Variants in MYO16 observed in about 807,000 individuals in gnomAD.
MYO16 encodes myosin XVI.
A neutral mutation model predicts 205.3 loss-of-function variants in MYO16; 94 were observed. That is an observed-to-expected ratio of 0.46 (90% CI 0.39 to 0.54). The LOEUF (loss-of-function observed/expected upper bound fraction) is 0.54. Ranked by LOEUF, MYO16 falls within the 20% of genes least tolerant of loss-of-function variation. The pLI is 0.00. For missense variants in MYO16, 2,315 were observed against 2,387.5 expected (o/e 0.97, Z 0.63); for synonymous variants, 988 against 954.0 (o/e 1.04, Z -0.66).
chr13:108,831,443 A>G (rs1026661940), intron 9 of MYO16, among the ~76,000 whole-genome samples: 2 of 152,268 alleles, frequency 1.3e-5, no homozygotes, highest in Admixed American at 6.5e-5. Flanking sequence ...CTTTCCTTCT[A>G]TTGCCTTCCT....
At chr13:109,077,777 C>T (rs1274456420) in intron 27 of MYO16, among the ~76,000 whole-genome samples, 1 of 152,092 alleles carries the variant, frequency 6.6e-6, no homozygotes, top group Non-Finnish European at 1.5e-5. Flanking sequence ...TTCCTTCATG[C>T]TTCTTGTGCT....
intron 27 of MYO16, chr13:109,065,463 A>G (rs1887715986): frequency 4.9e-6 from 2 of 409,042 alleles, no homozygotes; most frequent in South Asian, 3.6e-5. Context: ...GTTGAATAAT[A>G]TAAAACCATT....
At chr13:109,021,501 A>G (rs1176871448) in intron 23 of MYO16, among the ~76,000 whole-genome samples, 1 of 152,154 alleles carries the variant, frequency 6.6e-6, no homozygotes, top group Non-Finnish European at 1.5e-5. Context: ...TGTGGTTTTC[A>G]CTGCATCTAC....
chr13:109,178,997 C>A (rs938011224), intron 33 of MYO16, among the ~76,000 whole-genome samples: 2 of 152,208 alleles, frequency 1.3e-5, no homozygotes, highest in African/African-American at 4.8e-5. Flanking sequence ...TGTTGTGAAT[C>A]GGCAGCTCTC....
intron 4 of MYO16, among the ~76,000 whole-genome samples, chr13:108,773,616 A>G (rs1886036353): frequency 6.6e-6 from 1 of 151,974 alleles, no homozygotes; most frequent in South Asian, 2.1e-4. Flanking sequence ...GGCCCATCCT[A>G]CTCCAGTGTG....
intron 1 of MYO16, among the ~76,000 whole-genome samples, chr13:108,621,547 T>G (rs987277927): frequency 2.6e-5 from 4 of 152,206 alleles, no homozygotes; most frequent in Non-Finnish European, 4.4e-5. Flanking sequence ...ATCATCCTTT[T>G]GTCCATTGTA....
chr13:109,120,325 G>A (rs1030567058), intron 28 of MYO16, 45 bp from the exon 29 acceptor site: 7 of 1,281,690 alleles, frequency 5.5e-6, no homozygotes, highest in Non-Finnish European at 7.7e-6. Flanking sequence ...TCATCATTTT[G>A]GTATCTTCAT....
In MYO16 at chr13:108,606,432, C is replaced by A. The variant is rs557017471; in HGVS notation, c.-39+10193C>A. 2.0e-5 allele frequency among the ~76,000 whole-genome samples: 3 copies of A among 152,188 alleles called. No homozygotes were observed. In the East Asian group the frequency reaches 5.8e-4, roughly 29 times the overall value. ...GCACTAGGTGTCCCAGCTGCTTCAG[C>A]TCCAGCCATGGGTAAAGACCAAGGT... On this transcript the variant is annotated intron_variant, in intron 1 of 24. Coordinates refer to the MYO16 transcript ENST00000251041.
At chr13:108,553,079 C>T in the MYO16 span, among the ~76,000 whole-genome samples, 335 of 127,256 alleles carry the variant, frequency 2.6e-3, 1 homozygote, top group African/African-American at 9.1e-3. Context: ...AGTGCAGTGG[C>T]CCAATGTCAA....
At chr13:109,087,461 C>A (rs957515593) in intron 27 of MYO16, among the ~76,000 whole-genome samples, 1 of 152,212 alleles carries the variant, frequency 6.6e-6, no homozygotes, top group African/African-American at 2.4e-5. Context: ...GCCTGGCCAA[C>A]ATGATGAAAC....
At chr13:108,793,792 A>G (rs369423967) in intron 6 of MYO16, 152 bp downstream of exon 6, 61 of 880,394 alleles carry the variant, frequency 6.9e-5, no homozygotes, top group East Asian at 5.1e-4. Context: ...CACCTAAGTA[A>G]GCAAAGAAGA....
intron 1 of MYO16, among the ~76,000 whole-genome samples, chr13:108,652,025 C>T (rs933652846): frequency 2.6e-5 from 4 of 151,520 alleles, no homozygotes. Context: ...CACATTGTTC[C>T]TTTGTTTCAT....
intron 5 of MYO16, among the ~76,000 whole-genome samples, chr13:108,787,248 A>G (rs61494700): frequency 0.019 from 2,858 of 152,268 alleles, 81 homozygotes; most frequent in African/African-American, 0.065. Context: ...AGGGATGTAT[A>G]CTTACAAACA....
chr13:109,141,395 C>G lies in MYO16; in HGVS notation c.5164+19C>G, dbSNP rs572359887. 58 of 1,430,872 alleles carry G rather than the reference C, an allele frequency of 4.1e-5. 1 individual carries two copies. In the South Asian group the frequency reaches 8.3e-4, roughly 21 times the overall value. 88.6% of individuals were successfully genotyped at this position (1,430,872 alleles called of 1,614,324 possible). On this transcript the variant is annotated intron_variant, in intron 32 of 34. Coordinates refer to ENST00000457511, the MANE Select transcript of MYO16 (RefSeq NM_001198950.3). The surrounding 1 kb of genome is among the most constrained non-coding windows in gnomAD (Gnocchi z 4.1). The stretch of plus-strand genomic sequence containing the variant: ...GCAGAAGGTAAGCGGAGCAGACATC[C>G]CCCCACTCCTTTTGCATGGACGCTG...
At chr13:108,878,345 A>G (rs1192167865) in intron 12 of MYO16, among the ~76,000 whole-genome samples, 1 of 152,132 alleles carries the variant, frequency 6.6e-6, no homozygotes, top group East Asian at 1.9e-4. Context: ...GAAGAGAAGG[A>G]GCATCTGAAT....
chr13:109,035,776 A>G (rs1181715191), intron 23 of MYO16, among the ~76,000 whole-genome samples: 1 of 152,222 alleles, frequency 6.6e-6, no homozygotes, highest in Non-Finnish European at 1.5e-5. Context: ...CCAGCACCAC[A>G]TAGAAGGACT....
intron 16 of MYO16, among the ~76,000 whole-genome samples, chr13:108,956,045 T>C (rs559246747): frequency 2.6e-5 from 4 of 152,208 alleles, no homozygotes; most frequent in Non-Finnish European, 5.9e-5. Context: ...TCCTATTCTC[T>C]AGTGTTTTTC....
At chr13:108,655,228 C>T (rs1881189957) in intron 1 of MYO16, among the ~76,000 whole-genome samples, 1 of 152,196 alleles carries the variant, frequency 6.6e-6, no homozygotes, top group African/African-American at 2.4e-5. Context: ...CCCAGGGTCC[C>T]TATGTTGTGT....
At chr13:108,695,383 T>C (rs1883054514) in intron 2 of MYO16, among the ~76,000 whole-genome samples, 1 of 152,192 alleles carries the variant, frequency 6.6e-6, no homozygotes, top group African/African-American at 2.4e-5. Context: ...CATTGGTCTA[T>C]AGGTTTATTC....
Sources: allele counts gnomAD v4.1 joint callset (sites outside exome capture counted in the v4.1 genomes callset), GRCh38; gene constraint gnomAD v4.1.1; non-coding constraint Gnocchi (gnomAD v3.1); transcripts MANE v1.5; gene names NCBI Gene and HGNC (gene_info 2026-07-23, HGNC 2026-07-21).